BIRC3: variants seen among roughly 807,000 people sequenced by gnomAD.
BIRC3 encodes baculoviral IAP repeat-containing protein 3.
BIRC3 carries 26 observed loss-of-function variants against 59.0 expected under a neutral mutation model. That is an observed-to-expected ratio of 0.44 (90% confidence interval 0.32 to 0.61). BIRC3 has a LOEUF of 0.61. BIRC3 is among the 20% of genes least tolerant of loss of function. The pLI is 0.04. For missense variants in BIRC3, 641 were observed against 711.5 expected, an observed-to-expected ratio of 0.90 and a Z score of 1.13; for synonymous variants, 243 against 249.2, an observed-to-expected ratio of 0.98 and a Z score of 0.24.
In BIRC3 at chr11:102,336,894, C is replaced by A. The variant is rs202004891; in HGVS notation, c.1622-15C>A. The A allele has an allele frequency of 1.4e-4, 223 of 1,591,268 alleles. No individual in the cohort carries two copies. The African/African-American group carries it at 2.3e-3, about 16-fold the overall frequency. On this transcript the variant is annotated splice_polypyrimidine_tract_variant and intron_variant, in intron 8 of 8. Transcript: ENST00000263464. ...AGCAAACTGCCTTTTATTAAAAATTCTTTCCTCTTTCTAGATCTACCAGTG... is the reference window on the plus strand; with the variant it reads ...AGCAAACTGCCTTTTATTAAAAATTATTTCCTCTTTCTAGATCTACCAGTG...
In BIRC3 at chr11:102,328,880, A is replaced by ATTT. The variant is rs762000514; in HGVS notation, c.1033-9_1033-7dup. On this transcript the variant is annotated splice_polypyrimidine_tract_variant and intron_variant, in intron 4 of 8. Transcript: ENST00000263464. ...AATTTATATATATATATATATATAT[A>ATTT]TTTTTTTTTTCTGCAGCTGCTATCC... The ATTT allele has an allele frequency of 6.4e-4, 272 of 426,340 alleles. No homozygotes were observed. The highest frequency in any genetic ancestry group is 1.6e-3 in the South Asian group (19 of 11,594). 26.4% of individuals were successfully genotyped at this position (426,340 alleles called of 1,614,324 possible). A position where few individuals can be genotyped will look rare whatever the true frequency, so the allele number is the denominator to read the frequency against.
At chr11:102,327,806 G>T (rs1227316980) in intron 3 of BIRC3, among the ~76,000 whole-genome samples, 3 of 151,914 alleles carry the variant, frequency 2.0e-5, no homozygotes, top group Non-Finnish European at 4.4e-5. Context: ...GATAACTATG[G>T]GTTAGTTTTA....
chr11:102,332,991 T>C (rs1951159565), intron 6 of BIRC3, among the ~76,000 whole-genome samples: 1 of 152,218 alleles, frequency 6.6e-6, no homozygotes, highest in African/African-American at 2.4e-5. Context: ...TATCCACTTA[T>C]AAAATATTTA....
In BIRC3 at chr11:102,331,099, G is replaced by C; in HGVS notation, c.1182G>C (p.Leu394=). ...TGGAAATGGGCTTTAGTAGAAGCCT[G>C]GTAAAACAGACAGTTCAGAGAAAAA... ...AAVEMGFSRS[L]VKQTVQRKIL... The change falls in exon 6 of 9, where the codon CTG becomes CTC. Residue 394 remains leucine, a synonymous_variant. Transcript: ENST00000263464. The C allele has an allele frequency of 6.2e-7, 1 of 1,613,718 alleles. No individual in the cohort carries two copies.
intron 5 of BIRC3, 129 bp from the exon 6 acceptor site, chr11:102,330,870 C>A: frequency 3.5e-6 from 3 of 858,766 alleles, no homozygotes; most frequent in Non-Finnish European, 5.1e-6. Flanking sequence ...CAAAATAATG[C>A]CTATACATTT....
chr11:102,327,973 A>T, intron 3 of BIRC3, 79 bp from the exon 4 acceptor site: 1 of 1,099,908 alleles, frequency 9.1e-7, no homozygotes, highest in Non-Finnish European at 1.3e-6. Context: ...AAACACCTAG[A>T]GATGAGAAAT....
chr11:102,327,867 G>A (rs900150860), intron 3 of BIRC3, among the ~76,000 whole-genome samples, 185 bp from the exon 4 acceptor site: 11 of 151,892 alleles, frequency 7.2e-5, no homozygotes, highest in Non-Finnish European at 1.3e-4. Context: ...GTTCCCAGTG[G>A]GCTAGGATGT....
In BIRC3 at chr11:102,322,396, T is replaced by A. The variant is rs1446803749; in HGVS notation, c.-2114T>A. The A allele has an allele frequency of 4.8e-6, 1 of 206,928 alleles. No individual in the cohort carries two copies. Among genetic ancestry groups the A allele is most frequent in the Non-Finnish European group, 9.9e-6 (1 of 101,396 alleles). 12.8% of individuals were successfully genotyped at this position (206,928 alleles called of 1,614,324 possible). A position where few individuals can be genotyped will look rare whatever the true frequency, so the allele number is the denominator to read the frequency against. ...AGAGGAAGTAAAAAGATAAATGTGA[T>A]GATTGGTCAAGAAATTATCCAGTTA... On this transcript the variant is annotated 5_prime_UTR_variant, in exon 2 of 9. An upstream start codon of the reference 5' UTR is lost. Transcript: ENST00000263464.
rs2135784623 is a variant in BIRC3 at position 102,325,037 on chromosome 11, T to C, written c.528T>C (p.Phe176=). Residue 176 remains phenylalanine (F), a synonymous_variant, in exon 2 of 9, where the codon TTT becomes TTC. Transcript: ENST00000263464. The part of the protein sequence containing the change: ...MNNENARLLT[F]QTWPLTFLSP... Reference sequence around the variant, plus strand: ...ACGAAAATGCCAGATTACTTACTTTTCAGACATGGCCATTGACTTTTCTGT... The same window carrying C: ...ACGAAAATGCCAGATTACTTACTTTCCAGACATGGCCATTGACTTTTCTGT... 6.2e-7 allele frequency: 1 copy of C among 1,614,202 alleles called. No homozygotes were observed. The highest frequency in any genetic ancestry group is 1.1e-5 in the South Asian group (1 of 91,080).
Position 102,336,031 on chromosome 11 carries a change from A to G in BIRC3, c.1390A>G (p.Ile464Val), listed in dbSNP as rs777510978. 6.2e-7 allele frequency: 1 copy of G among 1,613,598 alleles called. No homozygotes were observed. Among genetic ancestry groups the G allele is most frequent in the East Asian group, 2.2e-5 (1 of 44,818 alleles). Residue 464 changes from isoleucine to valine, a missense_variant, in exon 7 of 9, where the codon ATC (isoleucine) becomes GTC (valine). By Grantham distance (29) the Ile-to-Val change is conservative (BLOSUM62 3). This residue lies in a region of BIRC3 where 268 missense variants were observed against 255.7 expected (regional missense o/e 1.05). Transcript: ENST00000263464. The part of the protein sequence containing the change: ...LFQHLTCVIP[I>V]LDSLLTAGII... ...TCAACATTTGACTTGTGTAATTCCA[A>G]TCCTGGATAGTCTACTAACTGCCGG...
In BIRC3 at chr11:102,339,175, G is replaced by T. The variant is rs1239339644; in HGVS notation, c.*2073G>T. ...AGGTGATTTGTAACTCAGGTATAGG[G>T]TATTTAAATAGTAGGCACCCTTTTT... On this transcript the variant is annotated 3_prime_UTR_variant, in exon 9 of 9. Transcript: ENST00000263464. 7.5e-5 allele frequency: 15 copies of T among 200,238 alleles called. No individual in the cohort carries two copies. Among genetic ancestry groups the T allele is most frequent in the Non-Finnish European group, 1.5e-4 (15 of 98,404 alleles). The allele number at this position is 200,238 out of a possible 1,614,324, so 12.4% of individuals were successfully genotyped here.
chr11:102,331,353 T>A (rs1451978138), intron 6 of BIRC3, 112 bp downstream of exon 6: 1 of 1,151,844 alleles, frequency 8.7e-7, no homozygotes, highest in Non-Finnish European at 1.1e-6. Flanking sequence ...TCCAGTCAGG[T>A]TTTTTTCATG....
chr11:102,336,227 G>A lies in BIRC3; in HGVS notation c.1579+7G>A. On this transcript the variant is annotated splice_region_variant and intron_variant, in intron 7 of 8. Coordinates refer to ENST00000263464, the MANE Select transcript of BIRC3 (RefSeq NM_001165.5). ...TTATATGAGCATTTATTTGGTGAGT[G>A]ATAGAAAATTATTTTTAAAAATTTT... 1 of 1,561,814 alleles carries A rather than the reference G, an allele frequency of 6.4e-7. No homozygotes were observed. Among genetic ancestry groups the A allele is most frequent in the Non-Finnish European group, 8.6e-7 (1 of 1,157,800 alleles).
At chr11:102,333,159 G>T (rs1334088446) in intron 6 of BIRC3, among the ~76,000 whole-genome samples, 1 of 152,052 alleles carries the variant, frequency 6.6e-6, no homozygotes, top group Non-Finnish European at 1.5e-5. Context: ...AGTCTGTGTT[G>T]TGAGTGAGTG....
rs1951212926 is a variant in BIRC3 at position 102,337,846 on chromosome 11, A to T, written c.*744A>T. The T allele has an allele frequency of 1.7e-5, 4 of 230,662 alleles. No homozygotes were observed. The East Asian group carries it at 2.5e-4, about 14-fold the overall frequency. 14.3% of individuals were successfully genotyped at this position (230,662 alleles called of 1,614,324 possible). On this transcript the variant is annotated 3_prime_UTR_variant, in exon 9 of 9. Transcript: ENST00000263464. ...AACTACAGTTTATACTCCTTCCCAT[A>T]AGATGCTTCTTCATTGACACTTGTA... is the stretch of plus-strand genomic sequence containing the variant.
Position 102,324,795 on chromosome 11 carries a change from G to T in BIRC3, c.286G>T (p.Val96Phe), listed in dbSNP as rs1452514375. The T allele has an allele frequency of 1.2e-6, 2 of 1,614,004 alleles. No individual in the cohort carries two copies. The highest frequency in any genetic ancestry group is 1.1e-5 in the South Asian group (1 of 91,084). ...HKKLYPSCRF[V>F]QSLNSVNNLE... ...AAAGTTGTATCCTAGCTGCAGATTC[G>T]TTCAGAGTCTAAATTCCGTTAACAA... The change falls in exon 2 of 9, where the codon GTT becomes TTT. Residue 96 changes from valine (V) to phenylalanine (F), a missense_variant. Coordinates refer to ENST00000263464, the MANE Select transcript of BIRC3 (RefSeq NM_001165.5).
chr11:102,327,109 C>G (rs1951090994), intron 3 of BIRC3, among the ~76,000 whole-genome samples: 2 of 152,172 alleles, frequency 1.3e-5, no homozygotes, highest in Non-Finnish European at 2.9e-5. Context: ...CTAGTAATCA[C>G]CTTCCTCTTG....
intron 6 of BIRC3, among the ~76,000 whole-genome samples, chr11:102,333,839 G>T (rs892910688): frequency 6.6e-6 from 1 of 152,128 alleles, no homozygotes; most frequent in African/African-American, 2.4e-5. Context: ...GGTGACTCAT[G>T]CCTGTAATCC....
chr11:102,325,014 G>T lies in BIRC3; in HGVS notation c.505G>T (p.Glu169Ter). The T allele has an allele frequency of 6.2e-7, 1 of 1,614,146 alleles. No individual in the cohort carries two copies. The highest frequency in any genetic ancestry group is 8.5e-7 in the Non-Finnish European group (1 of 1,180,014). ...TTCCTACCACTGTGCAATGAATAACGAAAATGCCAGATTACTTACTTTTCA... is the reference window on the plus strand; with the variant it reads ...TTCCTACCACTGTGCAATGAATAACTAAAATGCCAGATTACTTACTTTTCA... ...RSSYHCAMNN[E>*]NARLLTFQTW... Residue 169 changes from glutamate (E) to a stop codon, truncating the protein, a stop_gained, in exon 2 of 9, where the codon GAA (glutamate) becomes TAA (stop). Transcript: ENST00000263464. LOFTEE classifies it high-confidence loss of function.
Sources: gnomAD v4.1 joint callset for allele counts (sites outside exome capture counted in the v4.1 genomes callset) on GRCh38, gnomAD v4.1.1 for gene constraint, gnomAD v4.1.1 regional missense constraint, MANE v1.5 for transcripts, NCBI Gene and HGNC (gene_info 2026-07-23, HGNC 2026-07-21) for gene names.